The following STK32B variants were observed in gnomAD, a reference collection of about 807,000 sequenced individuals.
The protein encoded by STK32B is serine/threonine kinase 32B.
Under a neutral mutation model 52.6 loss-of-function variants are expected in STK32B, and 43 were observed. The observed-to-expected ratio is 0.82, with a 90% CI of 0.64 to 1.05. The LOEUF is 1.05. STK32B is among the 50% of genes least tolerant of loss of function. The probability of loss-of-function intolerance (pLI) is 0.00; values close to 1 mark genes in which losing one functional copy is unlikely to be tolerated. For synonymous variants in STK32B, 238 were observed against 204.3 expected, an observed-to-expected ratio of 1.17 and a Z score of -1.41; for missense variants, 621 against 534.6, an observed-to-expected ratio of 1.16 and a Z score of -1.59.
chr4:5,120,517 A>T (rs1264261963), intron 1 of STK32B, among the ~76,000 whole-genome samples: 1 of 152,158 alleles, frequency 6.6e-6, no homozygotes, highest in Non-Finnish European at 1.5e-5. Flanking sequence ...ACTTTTTCAT[A>T]GGGAGGTATG....
chr4:5,101,267 G>A (rs1395753628), intron 1 of STK32B, among the ~76,000 whole-genome samples: 2 of 152,152 alleles, frequency 1.3e-5, no homozygotes, highest in East Asian at 1.9e-4. Flanking sequence ...GGGCACACAC[G>A]GTGGCTTCCC....
At chr4:5,195,523 T>C (rs1721575759) in intron 3 of STK32B, among the ~76,000 whole-genome samples, 1 of 152,136 alleles carries the variant, frequency 6.6e-6, no homozygotes, top group Non-Finnish European at 1.5e-5. Flanking sequence ...TGGAATCCTT[T>C]CTGTACTAAA....
At chr4:5,236,006 G>C (rs1724608463) in intron 3 of STK32B, among the ~76,000 whole-genome samples, 1 of 152,144 alleles carries the variant, frequency 6.6e-6, no homozygotes, top group Non-Finnish European at 1.5e-5. Flanking sequence ...AGGAAAACAA[G>C]GTCTGGCACA....
chr4:5,349,325 C>G (rs1222445785), intron 4 of STK32B, among the ~76,000 whole-genome samples: 1 of 152,148 alleles, frequency 6.6e-6, no homozygotes, highest in Non-Finnish European at 1.5e-5. Flanking sequence ...AGCAGAGCCT[C>G]CGTAAACAAC....
chr4:5,424,383 C>A lies in STK32B; in HGVS notation c.562+7449C>A, dbSNP rs561918399. 1.3e-5 allele frequency among the ~76,000 whole-genome samples: 2 copies of A among 152,306 alleles called. 1 individual carries two copies. The highest frequency in any genetic ancestry group is 4.8e-5 in the African/African-American group (2 of 41,570). On this transcript the variant is annotated intron_variant, in intron 6 of 11. Coordinates refer to ENST00000282908, the MANE Select transcript of STK32B (RefSeq NM_018401.3). The stretch of plus-strand genomic sequence containing the variant: ...ATGGTCTGAAGCCTGGGGGCTGGGT[C>A]ACCAGTTCCACTGACCGGAGTGAGA...
chr4:5,229,509 A>C (rs1046615268), intron 3 of STK32B, among the ~76,000 whole-genome samples: 1 of 152,152 alleles, frequency 6.6e-6, no homozygotes, highest in Non-Finnish European at 1.5e-5. Context: ...CTCTCCTCCA[A>C]AGTCAGAACT....
chr4:5,283,798 A>G (rs957854422), intron 3 of STK32B, among the ~76,000 whole-genome samples: 4 of 152,336 alleles, frequency 2.6e-5, no homozygotes, highest in Admixed American at 1.3e-4. Flanking sequence ...AAAGGAGTTC[A>G]TCACCATTAG....
chr4:5,247,473 T>C (rs578217999), intron 3 of STK32B, among the ~76,000 whole-genome samples: 1 of 152,180 alleles, frequency 6.6e-6, no homozygotes, highest in East Asian at 1.9e-4. Context: ...CCGTCTGTCA[T>C]CCCTTTCTTT....
chr4:5,235,562 G>A (rs551415321), intron 3 of STK32B, among the ~76,000 whole-genome samples: 1 of 152,146 alleles, frequency 6.6e-6, no homozygotes, highest in Non-Finnish European at 1.5e-5. Flanking sequence ...ATAATAGAAA[G>A]TTACACCTTA....
chr4:5,379,140 C>T (rs987911739), intron 4 of STK32B, among the ~76,000 whole-genome samples: 1 of 152,134 alleles, frequency 6.6e-6, no homozygotes, highest in Non-Finnish European at 1.5e-5. Flanking sequence ...TTGGTAGTAG[C>T]GAATGACTGG....
intron 1 of STK32B, among the ~76,000 whole-genome samples, chr4:5,073,291 A>G (rs1490882803): frequency 1.3e-5 from 2 of 151,942 alleles, no homozygotes; most frequent in East Asian, 3.8e-4. Context: ...TATCACAACT[A>G]TTGGCTTTTA....
At chr4:5,165,471 C>G (rs1379552309) in intron 2 of STK32B, among the ~76,000 whole-genome samples, 1 of 152,150 alleles carries the variant, frequency 6.6e-6, no homozygotes, top group East Asian at 1.9e-4. Context: ...GGACGCAGCC[C>G]CGGGGACGCT....
At chr4:5,023,409 CAG>C in the STK32B span, among the ~76,000 whole-genome samples, 1 of 152,182 alleles carries the variant, frequency 6.6e-6, no homozygotes, top group African/African-American at 2.4e-5. Flanking sequence ...AGTGCTTGTC[CAG>C]AGTCTGCTTG....
intron 1 of STK32B, among the ~76,000 whole-genome samples, chr4:5,068,357 AGT>A (rs1040884733): frequency 2.0e-5 from 3 of 152,144 alleles, no homozygotes; most frequent in Non-Finnish European, 4.4e-5. Context: ...CCCACTTATA[AGT>A]GAGAACATAC....
rs1742081984 is a variant in STK32B, at chr4:5,058,176, C to T, written c.52+6261C>T. On this transcript the variant is annotated intron_variant, in intron 1 of 11. Coordinates refer to ENST00000282908, the MANE Select transcript of STK32B (RefSeq NM_018401.3). The surrounding 1 kb of genome is among the most constrained non-coding windows in gnomAD (Gnocchi z 4.8). ...TCTGTGAAGTCATCAATATAAATAT[C>T]TCATTCTTTCAGTGCGGGACATTAT... is the stretch of plus-strand genomic sequence containing the variant. 6.6e-6 allele frequency among the ~76,000 whole-genome samples: 1 copy of T among 152,176 alleles called. No homozygotes were observed. The highest frequency in any genetic ancestry group is 1.5e-5 in the Non-Finnish European group (1 of 68,032).
At chr4:5,332,776 T>C (rs1267480343) in intron 4 of STK32B, among the ~76,000 whole-genome samples, 1 of 152,222 alleles carries the variant, frequency 6.6e-6, no homozygotes, top group African/African-American at 2.4e-5. Flanking sequence ...CATAGTTTAC[T>C]GAGAATGATG....
At chr4:5,139,149 A>G (rs973468528) in intron 1 of STK32B, among the ~76,000 whole-genome samples, 3 of 152,186 alleles carry the variant, frequency 2.0e-5, no homozygotes, top group African/African-American at 7.2e-5. Context: ...GACACTGTGC[A>G]GAGACAACAT....
intron 6 of STK32B, among the ~76,000 whole-genome samples, chr4:5,443,472 C>T (rs1406481951): frequency 1.3e-5 from 2 of 152,028 alleles, no homozygotes; most frequent in Admixed American, 6.6e-5. Context: ...TTTAAGCACT[C>T]CTCTGTATTG....
intron 4 of STK32B, among the ~76,000 whole-genome samples, chr4:5,371,732 C>A (rs371998271): frequency 6.6e-6 from 1 of 152,242 alleles, no homozygotes. Context: ...GCCACTGCAA[C>A]AAGAAAGCAG....
Sources: allele counts gnomAD v4.1 joint callset (sites outside exome capture counted in the v4.1 genomes callset), GRCh38; gene constraint gnomAD v4.1.1; non-coding constraint Gnocchi (gnomAD v3.1); transcripts MANE v1.5; gene names NCBI Gene and HGNC (gene_info 2026-07-23, HGNC 2026-07-21).